CELSR1: variants seen among roughly 807,000 people sequenced by gnomAD.
The protein encoded by CELSR1 is cadherin EGF LAG seven-pass G-type receptor 1, also known as adhesion G protein-coupled receptor C1.
CELSR1 carries 110 observed loss-of-function variants against 249.1 expected under a neutral mutation model. That is an observed-to-expected ratio of 0.44 (90% CI 0.38 to 0.52). The LOEUF (loss-of-function observed/expected upper bound fraction) is 0.52. CELSR1 is among the 20% of genes least tolerant of loss of function. The pLI is 0.00. For missense variants in CELSR1, 4,109 were observed against 4,296.4 expected, an observed-to-expected ratio of 0.96 and a Z score of 1.22; for synonymous variants, 2,113 against 1,900.0, an observed-to-expected ratio of 1.11 and a Z score of -2.92.
chr22:46,512,322 G>A lies in CELSR1; in HGVS notation c.3544+21305C>T, dbSNP rs1009048721. ...GCGGTGGCACATGCCTGTAATCCCAGCACTTTGGGAGGCCAAGGCAGGCGG... is the reference window on the plus strand; with the variant it reads ...GCGGTGGCACATGCCTGTAATCCCAACACTTTGGGAGGCCAAGGCAGGCGG... On this transcript the variant is annotated intron_variant, in intron 1 of 34. Coordinates refer to ENST00000674500, the MANE Select transcript of CELSR1 (RefSeq NM_001378328.1). This position sits in a 1 kb window ranked among gnomAD's most constrained non-coding sequence, Gnocchi z 5.2. Among the ~76,000 whole-genome samples the A allele has an allele frequency of 1.3e-5, 2 of 152,032 alleles. No individual in the cohort carries two copies. The highest frequency in any genetic ancestry group is 4.8e-5 in the African/African-American group (2 of 41,266).
chr22:46,411,928 G>A lies in CELSR1; in HGVS notation c.4612-169C>T, dbSNP rs1348579757. ...TTCCCCAAACTAGCTGTGCTGGGCTGCTCAATGCCCCCTCAAGTTCTGCTT... is the reference window on the plus strand; with the variant it reads ...TTCCCCAAACTAGCTGTGCTGGGCTACTCAATGCCCCCTCAAGTTCTGCTT... On this transcript the variant is annotated intron_variant, in intron 5 of 34. Coordinates refer to ENST00000674500, the MANE Select transcript of CELSR1 (RefSeq NM_001378328.1). This position sits in a 1 kb window ranked among gnomAD's most constrained non-coding sequence, Gnocchi z 4.2. 6.6e-6 allele frequency among the ~76,000 whole-genome samples: 1 copy of A among 152,242 alleles called. No individual in the cohort carries two copies. Among genetic ancestry groups the A allele is most frequent in the South Asian group, 2.1e-4 (1 of 4,832 alleles).
In CELSR1 at chr22:46,444,036, T is replaced by A. The variant is rs527925998; in HGVS notation, c.4184-4625A>T. On this transcript the variant is annotated intron_variant, in intron 2 of 34. Coordinates refer to ENST00000674500, the MANE Select transcript of CELSR1 (RefSeq NM_001378328.1). ...GGGCCTGTGGGGCCCAGCCCTGCCC[T>A]TCCCACAGCCGCTTCTGTCTGTCCC... Among the ~76,000 whole-genome samples the A allele has an allele frequency of 7.2e-5, 11 of 152,306 alleles. No homozygotes were observed. The South Asian group carries it at 2.3e-3, about 32-fold the overall frequency.
Position 46,447,557 on chromosome 22 carries a change from C to T in CELSR1, c.4184-8146G>A, listed in dbSNP as rs1023311334. ...GCAAACCTATTGCTGTGCTCACTCA[C>T]GCATGCAGCCTGCCAAAAGCTCCCC... On this transcript the variant is annotated intron_variant, in intron 2 of 34. Coordinates refer to ENST00000674500, the MANE Select transcript of CELSR1 (RefSeq NM_001378328.1). The surrounding 1 kb of genome is among the most constrained non-coding windows in gnomAD (Gnocchi z 4.7). 2.0e-5 allele frequency among the ~76,000 whole-genome samples: 3 copies of T among 152,188 alleles called. No individual in the cohort carries two copies. The highest frequency in any genetic ancestry group is 2.9e-5 in the Non-Finnish European group (2 of 68,034).
rs114561229 is a variant in CELSR1 at position 46,366,637 on chromosome 22, C to A, written c.8206-157G>T. ...GAGCTGGCCCCAAGCAGTCAACCCT[C>A]ACTGCAAACGAGAGCCTCCTGGCAG... On this transcript the variant is annotated intron_variant, in intron 29 of 34. Coordinates refer to ENST00000674500, the MANE Select transcript of CELSR1 (RefSeq NM_001378328.1). Among the ~76,000 whole-genome samples the A allele has an allele frequency of 5.5e-3, 839 of 152,258 alleles. 7 individuals carry two copies. The highest frequency in any genetic ancestry group is 0.019 in the African/African-American group (790 of 41,538).
Position 46,433,392 on chromosome 22 carries a change from C to A in CELSR1, c.4611+1G>T. The A allele has an allele frequency of 6.2e-7, 1 of 1,612,972 alleles. No individual in the cohort carries two copies. The highest frequency in any genetic ancestry group is 1.3e-5 in the African/African-American group (1 of 75,008). On this transcript the variant is annotated splice_donor_variant, in intron 5 of 34. Coordinates refer to ENST00000674500, the MANE Select transcript of CELSR1 (RefSeq NM_001378328.1). LOFTEE classifies it high-confidence loss of function. The surrounding 1 kb of genome is among the most constrained non-coding windows in gnomAD (Gnocchi z 5.7). Reference sequence around the variant, plus strand: ...GGGGGAAGTGGTGGGGCCCATCTTACCTTGTTGTAGTACTGCACCTGCACA... The same window carrying A: ...GGGGGAAGTGGTGGGGCCCATCTTAACTTGTTGTAGTACTGCACCTGCACA...
intron 1 of CELSR1, among the ~76,000 whole-genome samples, chr22:46,491,625 T>TTCTCTC (rs71315160): frequency 9.5e-5 from 13 of 136,334 alleles, no homozygotes; most frequent in African/African-American, 3.3e-4. Flanking sequence ...ATAGTCTCTA[T>TTCTCTC]TCTCTCTCTC....
At chr22:46,474,785 C>CTTTTTTT (rs1569189753) in intron 1 of CELSR1, among the ~76,000 whole-genome samples, 2 of 45,196 alleles carry the variant, frequency 4.4e-5, no homozygotes, top group African/African-American at 1.9e-4. Flanking sequence ...CTACTCTCTA[C>CTTTTTTT]TTCTTTTTTT....
At chr22:46,384,437 G>A in intron 20 of CELSR1, 106 bp downstream of exon 20, 1 of 1,341,108 alleles carries the variant, frequency 7.5e-7, no homozygotes, top group Non-Finnish European at 9.9e-7. Context: ...GGAACACTCT[G>A]GCCCAGATCT....
At chr22:46,465,381 G>C (rs2049035344) in intron 1 of CELSR1, among the ~76,000 whole-genome samples, 1 of 152,096 alleles carries the variant, frequency 6.6e-6, no homozygotes, top group Non-Finnish European at 1.5e-5. Context: ...TGGAGCGTGG[G>C]GCCCCTGTCA....
intron 1 of CELSR1, 126 bp downstream of exon 1, chr22:46,533,501 C>T: frequency 7.2e-7 from 1 of 1,380,754 alleles, no homozygotes; most frequent in Non-Finnish European, 9.6e-7. Context: ...GGCAACAAAT[C>T]CTTGCAGAGT....
rs137878344 is a variant in CELSR1 at position 46,433,541 on chromosome 22, C to T, written c.4523-60G>A. The T allele has an allele frequency of 1.6e-5, 21 of 1,352,160 alleles. No homozygotes were observed. In the East Asian group the frequency reaches 2.2e-4, roughly 14 times the overall value. The allele number at this position is 1,352,160 out of a possible 1,614,324, so 83.8% of individuals were successfully genotyped here. A position where few individuals can be genotyped will look rare whatever the true frequency, so the allele number is the denominator to read the frequency against. ...GGGGTTGGCGGGGCCTACTGGGGACCGAGGATTGCGCTGTGAGGCATCAGG... is the reference window on the plus strand; with the variant it reads ...GGGGTTGGCGGGGCCTACTGGGGACTGAGGATTGCGCTGTGAGGCATCAGG... On this transcript the variant is annotated intron_variant, in intron 4 of 34. Transcript: ENST00000674500. The surrounding 1 kb of genome is among the most constrained non-coding windows in gnomAD (Gnocchi z 5.7).
In CELSR1 at chr22:46,408,920, C is replaced by T; in HGVS notation, c.5226+76G>A. 7.8e-7 allele frequency: 1 copy of T among 1,280,016 alleles called. No homozygotes were observed. Among genetic ancestry groups the T allele is most frequent in the Non-Finnish European group, 1.1e-6 (1 of 945,302 alleles). 79.3% of individuals were successfully genotyped at this position (1,280,016 alleles called of 1,614,324 possible). A position where few individuals can be genotyped will look rare whatever the true frequency, so the allele number is the denominator to read the frequency against. On this transcript the variant is annotated intron_variant, in intron 9 of 34. Coordinates refer to ENST00000674500, the MANE Select transcript of CELSR1 (RefSeq NM_001378328.1). This position sits in a 1 kb window ranked among gnomAD's most constrained non-coding sequence, Gnocchi z 4.6. ...GAGTAGCAGGTGCCCGAGTGTGCAC[C>T]AGGAAGCCCAGCGCCTGGGTCCCTC...
chr22:46,372,699 G>A (rs570859133), intron 25 of CELSR1, among the ~76,000 whole-genome samples, 184 bp downstream of exon 25: 5 of 152,192 alleles, frequency 3.3e-5, no homozygotes, highest in African/African-American at 9.6e-5. Context: ...AGAAGACGTC[G>A]CCCCAGGTGT....
rs2079730080 is a variant in CELSR1, at chr22:46,440,330, G to C, written c.4184-919C>G. 6.6e-6 allele frequency among the ~76,000 whole-genome samples: 1 copy of C among 152,136 alleles called. No individual in the cohort carries two copies. The highest frequency in any genetic ancestry group is 2.1e-4 in the South Asian group (1 of 4,826). On this transcript the variant is annotated intron_variant, in intron 2 of 34. Coordinates refer to ENST00000674500, the MANE Select transcript of CELSR1 (RefSeq NM_001378328.1). This position sits in a 1 kb window ranked among gnomAD's most constrained non-coding sequence, Gnocchi z 4.7. ...AGCCGCAATCTGCACAGCCCATGCT[G>C]CCTCCCCTGCCTCCACCACATGGGG...
In CELSR1 at chr22:46,380,295, C is replaced by T. The variant is rs76661373; in HGVS notation, c.7256+493G>A. On this transcript the variant is annotated intron_variant, in intron 22 of 34. Coordinates refer to ENST00000674500, the MANE Select transcript of CELSR1 (RefSeq NM_001378328.1). This position sits in a 1 kb window ranked among gnomAD's most constrained non-coding sequence, Gnocchi z 5.1. Reference sequence around the variant, plus strand: ...GAAACGGGCCAGATAAACTGTGCTGCGGCCAGGTGTGGCCTCTTGGGGGTG... The same window carrying T: ...GAAACGGGCCAGATAAACTGTGCTGTGGCCAGGTGTGGCCTCTTGGGGGTG... Among the ~76,000 whole-genome samples, 3,166 of 152,316 alleles carry T rather than the reference C, an allele frequency of 0.021. 119 individuals carry two copies. The highest frequency in any genetic ancestry group is 0.072 in the African/African-American group (2,985 of 41,562).
intron 4 of CELSR1, among the ~76,000 whole-genome samples, chr22:46,435,671 C>T (rs1199715304): frequency 6.6e-6 from 1 of 152,148 alleles, no homozygotes; most frequent in Non-Finnish European, 1.5e-5. Flanking sequence ...ACATTTCCAG[C>T]ACTATAAATA....
chr22:46,471,253 T>C lies in CELSR1; in HGVS notation c.3545-6908A>G, dbSNP rs906717099. Among the ~76,000 whole-genome samples the C allele has an allele frequency of 1.3e-5, 2 of 152,222 alleles. No homozygotes were observed. The highest frequency in any genetic ancestry group is 4.8e-5 in the African/African-American group (2 of 41,458). On this transcript the variant is annotated intron_variant, in intron 1 of 34. Transcript: ENST00000674500. This position sits in a 1 kb window ranked among gnomAD's most constrained non-coding sequence, Gnocchi z 4.9. ...GGTTCTGTCTGCATTGCTGATTTTG[T>C]TTTTTGTTTGTTTTTATAAAACTTA...
At chr22:46,426,019 C>G (rs982598603) in intron 5 of CELSR1, among the ~76,000 whole-genome samples, 3 of 149,882 alleles carry the variant, frequency 2.0e-5, no homozygotes, top group African/African-American at 7.5e-5. Context: ...TCCCTTCCTC[C>G]CTTCTTTTTT....
rs1453771553 is a variant in CELSR1, at chr22:46,401,042, G to T, written c.5227-1140C>A. Reference sequence around the variant, plus strand: ...GCTTGTCTTATTCTACGGGAAAAAGGATCAATCGCTTCATGGAGGTCAAGT... The same window carrying T: ...GCTTGTCTTATTCTACGGGAAAAAGTATCAATCGCTTCATGGAGGTCAAGT... On this transcript the variant is annotated intron_variant, in intron 9 of 34. Transcript: ENST00000674500. The surrounding 1 kb of genome is among the most constrained non-coding windows in gnomAD (Gnocchi z 4.7). 6.6e-6 allele frequency among the ~76,000 whole-genome samples: 1 copy of T among 152,088 alleles called. No homozygotes were observed. The highest frequency in any genetic ancestry group is 1.5e-5 in the Non-Finnish European group (1 of 68,026).
Sources: allele counts gnomAD v4.1 joint callset (sites outside exome capture counted in the v4.1 genomes callset), GRCh38; gene constraint gnomAD v4.1.1; non-coding constraint Gnocchi (gnomAD v3.1); transcripts MANE v1.5; gene names NCBI Gene and HGNC (gene_info 2026-07-23, HGNC 2026-07-21).